DAB1: variants seen among roughly 807,000 people sequenced by gnomAD.
The protein encoded by DAB1 is DAB adaptor protein 1, also known as disabled homolog 1.
Under a neutral mutation model 64.6 loss-of-function variants are expected in DAB1, and 15 were observed. The observed-to-expected ratio is 0.23, with a 90% confidence interval of 0.16 to 0.36. The LOEUF (loss-of-function observed/expected upper bound fraction) is 0.36, where lower values mean the gene tolerates loss of function less well. Among genes scored for constraint, DAB1 ranks in the 10% least tolerant of loss-of-function variants. The pLI, the probability that DAB1 is intolerant of heterozygous loss-of-function variation, is 1.00. For synonymous variants in DAB1, 235 were observed against 251.9 expected, an observed-to-expected ratio of 0.93 and a Z score of 0.64; for missense variants, 596 against 706.7, an observed-to-expected ratio of 0.84 and a Z score of 1.78.
At chr1:58,257,325 C>T (rs1660954909) in intron 4 of DAB1, among the ~76,000 whole-genome samples, 1 of 152,216 alleles carries the variant, frequency 6.6e-6, no homozygotes, top group African/African-American at 2.4e-5. Context: ...GATGACCTTG[C>T]AGCTTGTGCA....
At chr1:58,225,800 G>A (rs558411418) in intron 4 of DAB1, among the ~76,000 whole-genome samples, 267 of 74,590 alleles carry the variant, frequency 3.6e-3, no homozygotes, top group African/African-American at 0.012. Flanking sequence ...ATCACACACC[G>A]GGCCTGTTGT....
At position 58,369,307 on chromosome 1, in the gene DAB1, GA is replaced by G. The variant is rs201888118; in HGVS notation, n.258-25905del. 3.8e-3 allele frequency among the ~76,000 whole-genome samples: 584 copies of G among 151,704 alleles called. 2 individuals are homozygous for G. Among genetic ancestry groups the G allele is most frequent in the African/African-American group, 0.014 (564 of 41,354 alleles). On this transcript the variant is annotated intron_variant and non_coding_transcript_variant, in intron 3 of 20. Transcript: ENST00000485760. Reference sequence around the variant, plus strand: ...ATTTGTCTCGCCGTTTCCTTCTGGGGAAAAAAAACTAAGATAATACCATTGC... The same window carrying G: ...ATTTGTCTCGCCGTTTCCTTCTGGGGAAAAAAACTAAGATAATACCATTGC...
chr1:57,038,130 A>ATAC (rs1242064482), intron 9 of DAB1, among the ~76,000 whole-genome samples: 11 of 152,234 alleles, frequency 7.2e-5, no homozygotes, highest in Non-Finnish European at 1.6e-4. Flanking sequence ...TGCTTCCTAA[A>ATAC]TACTAGACAT....
intron 7 of DAB1, among the ~76,000 whole-genome samples, chr1:57,642,602 C>A (rs541731982): frequency 6.6e-6 from 1 of 152,154 alleles, no homozygotes; most frequent in Non-Finnish European, 1.5e-5. Context: ...TTCTCCCCAA[C>A]GCTAAAAATA....
At chr1:58,172,846 T>G (rs548634943) in intron 4 of DAB1, among the ~76,000 whole-genome samples, 1 of 152,208 alleles carries the variant, frequency 6.6e-6, no homozygotes, top group Non-Finnish European at 1.5e-5. Flanking sequence ...GAAGAATAAA[T>G]GTATATACAG....
At chr1:58,025,649 G>GTATATATATATATATATA (rs1395128282) in intron 5 of DAB1, among the ~76,000 whole-genome samples, 1 of 115,062 alleles carries the variant, frequency 8.7e-6, no homozygotes, top group African/African-American at 3.7e-5. Context: ...ATATATATGT[G>GTATATATATATATATATA]TGTATATATA....
chr1:57,843,014 T>C (rs1653122692), intron 1 of DAB1, among the ~76,000 whole-genome samples: 1 of 152,322 alleles, frequency 6.6e-6, no homozygotes, highest in East Asian at 1.9e-4. Context: ...CCTGGTTGAC[T>C]GGGAGCTGCA....
intron 4 of DAB1, among the ~76,000 whole-genome samples, chr1:58,157,770 A>G (rs1283817454): frequency 6.6e-6 from 1 of 152,158 alleles, no homozygotes; most frequent in Non-Finnish European, 1.5e-5. Context: ...TTTTTAGTCC[A>G]TGATCCTTCT....
intron 7 of DAB1, among the ~76,000 whole-genome samples, chr1:57,570,632 G>A (rs1645183279): frequency 6.6e-6 from 1 of 151,904 alleles, no homozygotes; most frequent in Admixed American, 6.6e-5. Flanking sequence ...TGTTCTTTTT[G>A]CTTAGTCTTG....
intron 6 of DAB1, among the ~76,000 whole-genome samples, chr1:57,732,739 G>A (rs1284972855): frequency 1.3e-5 from 2 of 152,144 alleles, no homozygotes; most frequent in African/African-American, 2.4e-5. Flanking sequence ...AGTGAAGGTA[G>A]AAAGCAGGCA....
intron 2 of DAB1, among the ~76,000 whole-genome samples, chr1:57,155,202 T>G (rs1341298910): frequency 1.3e-5 from 2 of 152,216 alleles, no homozygotes; most frequent in Non-Finnish European, 2.9e-5. Flanking sequence ...TTGATCTGTG[T>G]ATATGGCAAG....
chr1:58,171,466 A>C (rs1339942471), intron 4 of DAB1, among the ~76,000 whole-genome samples: 2 of 152,180 alleles, frequency 1.3e-5, no homozygotes, highest in Non-Finnish European at 2.9e-5. Flanking sequence ...AAGATCTTAG[A>C]CTCATCAATG....
intron 2 of DAB1, among the ~76,000 whole-genome samples, chr1:57,258,822 T>C (rs1669963117): frequency 6.6e-6 from 1 of 152,024 alleles, no homozygotes; most frequent in South Asian, 2.1e-4. Flanking sequence ...TAGCAATATG[T>C]CAGCATGATG....
At chr1:57,008,439 G>A (rs1188238288) in intron 14 of DAB1, among the ~76,000 whole-genome samples, 1 of 152,190 alleles carries the variant, frequency 6.6e-6, no homozygotes, top group East Asian at 1.9e-4. Flanking sequence ...TGATAATGAT[G>A]ATGGTGATGG....
chr1:57,781,122 CTCTCTATATATATATATATATATA>C (rs1223949648), intron 6 of DAB1, among the ~76,000 whole-genome samples: 130 of 43,862 alleles, frequency 3.0e-3, no homozygotes, highest in African/African-American at 8.1e-3. Context: ...CTCTCTCTCT[CTCTCTATATATATATATATATATA>C]TATATATATA....
At chr1:57,231,007 T>C (rs1190839958) in intron 2 of DAB1, among the ~76,000 whole-genome samples, 3 of 152,086 alleles carry the variant, frequency 2.0e-5, no homozygotes, top group African/African-American at 7.2e-5. Context: ...AATTAATAAT[T>C]ATTAGTATTA....
At chr1:58,464,809 C>A (rs1332985598) in intron 3 of DAB1, among the ~76,000 whole-genome samples, 1 of 152,190 alleles carries the variant, frequency 6.6e-6, no homozygotes, top group Non-Finnish European at 1.5e-5. Context: ...CTAACCCTAG[C>A]CCAGGAGAGG....
intron 4 of DAB1, among the ~76,000 whole-genome samples, chr1:58,251,835 T>C (rs972966586): frequency 5.9e-5 from 9 of 152,116 alleles, no homozygotes; most frequent in Non-Finnish European, 1.2e-4. Flanking sequence ...GTGCAGAGAA[T>C]GTACTGAAGG....
At chr1:57,571,471 G>A (rs1218452086) in intron 7 of DAB1, among the ~76,000 whole-genome samples, 2 of 152,184 alleles carry the variant, frequency 1.3e-5, no homozygotes, top group African/African-American at 4.8e-5. Flanking sequence ...CAGCAGTTGA[G>A]AAATGGGGTA....
Sources: allele counts gnomAD v4.1 joint callset (sites outside exome capture counted in the v4.1 genomes callset), GRCh38; gene constraint gnomAD v4.1.1; transcripts MANE v1.5; gene names NCBI Gene and HGNC (gene_info 2026-07-23, HGNC 2026-07-21).